The following SDCCAG8 variants were observed in gnomAD, a reference collection of about 807,000 sequenced individuals.
SDCCAG8 encodes the protein serologically defined colon cancer antigen 8.
SDCCAG8 carries 74 observed loss-of-function variants against 101.8 expected under a neutral mutation model. The observed-to-expected ratio is 0.73, with a 90% confidence interval of 0.60 to 0.88. The LOEUF is 0.88. Among genes scored for constraint, SDCCAG8 ranks in the 40% least tolerant of loss-of-function variants. The probability of loss-of-function intolerance (pLI) is 0.00; values close to 1 mark genes in which losing one functional copy is unlikely to be tolerated. For missense variants in SDCCAG8, 787 were observed against 822.6 expected (o/e 0.96, Z 0.53); for synonymous variants, 281 against 292.9 (o/e 0.96, Z 0.41).
chr1:243,330,558 C>A lies in SDCCAG8; in HGVS notation c.1087C>A (p.Gln363Lys). 4.3e-6 allele frequency: 7 copies of A among 1,613,890 alleles called. No homozygotes were observed. The highest frequency in any genetic ancestry group is 5.9e-6 in the Non-Finnish European group (7 of 1,179,982). The change falls in exon 10 of 18, where the codon CAG becomes AAG. Residue 363 changes from glutamine (Q) to lysine (K), a missense_variant. Coordinates refer to ENST00000366541, the MANE Select transcript of SDCCAG8 (RefSeq NM_006642.5). ...CTGGCAGGCTTTAATCCAGTGTGAC[C>A]AGTTGAGGAAGGAGCTGGAGAGGCA... ...EKTKALIQCD[Q>K]LRKELERQAE...
At chr1:243,337,796 A>G (rs1416686934) in intron 10 of SDCCAG8, among the ~76,000 whole-genome samples, 1 of 152,206 alleles carries the variant, frequency 6.6e-6, no homozygotes, top group East Asian at 1.9e-4. Flanking sequence ...AAAAGCAGAC[A>G]GACTTTTATA....
At chr1:243,353,067 T>A (rs1384480561) in intron 12 of SDCCAG8, among the ~76,000 whole-genome samples, 1 of 152,196 alleles carries the variant, frequency 6.6e-6, no homozygotes, top group Non-Finnish European at 1.5e-5. Flanking sequence ...AATCAATTTC[T>A]GTCAGAAAGG....
Position 243,403,367 on chromosome 1 carries a change from T to C in SDCCAG8, c.1617-12335T>C, listed in dbSNP as rs1057513910. On this transcript the variant is annotated intron_variant, in intron 13 of 17. Transcript: ENST00000366541. Reference sequence around the variant, plus strand: ...CAAGGCTGTCTTTGAGATAATTATATTGATTGTTTCAGTTTGAGTAGTCAT... The same window carrying C: ...CAAGGCTGTCTTTGAGATAATTATACTGATTGTTTCAGTTTGAGTAGTCAT... 8.5e-5 allele frequency among the ~76,000 whole-genome samples: 13 copies of C among 152,154 alleles called. 1 individual carries two copies. Among genetic ancestry groups the C allele is most frequent in the African/African-American group, 3.1e-4 (13 of 41,414 alleles).
intron 5 of SDCCAG8, among the ~76,000 whole-genome samples, chr1:243,287,091 C>T (rs916034022): frequency 6.6e-6 from 1 of 152,116 alleles, no homozygotes; most frequent in African/African-American, 2.4e-5. Flanking sequence ...GTTTGAAGAA[C>T]GTTGGGTCAG....
intron 8 of SDCCAG8, among the ~76,000 whole-genome samples, chr1:243,314,800 C>T (rs1251391154): frequency 6.6e-6 from 1 of 152,180 alleles, no homozygotes; most frequent in Admixed American, 6.5e-5. Flanking sequence ...ACTTCCACCT[C>T]CCAGGTTCAA....
chr1:243,271,836 G>A (rs1328612746), intron 3 of SDCCAG8, among the ~76,000 whole-genome samples: 6 of 152,016 alleles, frequency 3.9e-5, no homozygotes, highest in South Asian at 2.1e-4. Context: ...GAGCCACCGC[G>A]CCTGGCCTCA....
intron 11 of SDCCAG8, among the ~76,000 whole-genome samples, chr1:243,342,442 A>G (rs1400565736): frequency 6.6e-6 from 1 of 152,248 alleles, no homozygotes; most frequent in Non-Finnish European, 1.5e-5. Context: ...TAAACATAGC[A>G]AATGCTGAAC....
chr1:243,412,395 G>A (rs1422411110), intron 13 of SDCCAG8, among the ~76,000 whole-genome samples: 1 of 152,084 alleles, frequency 6.6e-6, no homozygotes, highest in East Asian at 1.9e-4. Context: ...AAACAAAAAG[G>A]CCCGTGCATA....
intron 12 of SDCCAG8, among the ~76,000 whole-genome samples, chr1:243,357,653 C>G (rs1181922968): frequency 6.6e-6 from 1 of 152,168 alleles, no homozygotes; most frequent in South Asian, 2.1e-4. Context: ...CAAACAAATA[C>G]GCACAGGGGT....
intron 15 of SDCCAG8, among the ~76,000 whole-genome samples, chr1:243,419,025 G>T (rs920631246): frequency 6.6e-6 from 1 of 152,054 alleles, no homozygotes; most frequent in Non-Finnish European, 1.5e-5. Flanking sequence ...GGATTTCTGG[G>T]AGTATCAGGG....
At position 243,370,990 on chromosome 1, in the gene SDCCAG8, A is replaced by C. The variant is rs533024561; in HGVS notation, c.1474-7731A>C. ...TCATCATGTTGTAAAAGGTGTAGACAGTGGGACTTGAGGCTAAGCAAATCC... is the reference window on the plus strand; with the variant it reads ...TCATCATGTTGTAAAAGGTGTAGACCGTGGGACTTGAGGCTAAGCAAATCC... On this transcript the variant is annotated intron_variant, in intron 12 of 17. Transcript: ENST00000366541. Among the ~76,000 whole-genome samples the C allele has an allele frequency of 2.0e-5, 3 of 152,216 alleles. No homozygotes were observed. The South Asian group carries it at 6.2e-4, about 32-fold the overall frequency.
At chr1:243,328,556 C>T (rs1165504335) in intron 9 of SDCCAG8, among the ~76,000 whole-genome samples, 3 of 152,186 alleles carry the variant, frequency 2.0e-5, no homozygotes, top group Admixed American at 6.5e-5. Context: ...GGATTACAGG[C>T]GTGAGCCACC....
intron 12 of SDCCAG8, among the ~76,000 whole-genome samples, chr1:243,367,336 C>T (rs2077044916): frequency 6.6e-6 from 1 of 152,058 alleles, no homozygotes; most frequent in South Asian, 2.1e-4. Flanking sequence ...TTGAAAGAAG[C>T]AACTCCAGGT....
rs774408101 is a variant in SDCCAG8 at position 243,256,278 on chromosome 1, G to A, written c.67+38G>A. 17 of 1,577,816 alleles carry A rather than the reference G, an allele frequency of 1.1e-5. No homozygotes were observed. The East Asian group carries it at 3.4e-4, about 31-fold the overall frequency. On this transcript the variant is annotated intron_variant, in intron 1 of 17. Transcript: ENST00000366541. Reference sequence around the variant, plus strand: ...AAACCTCTGTCCCTAGCCCCGAGGTGCCCAGGGCCTAGTGGGCGGGAGCAG... The same window carrying A: ...AAACCTCTGTCCCTAGCCCCGAGGTACCCAGGGCCTAGTGGGCGGGAGCAG...
At chr1:243,354,359 A>G (rs2076268844) in intron 12 of SDCCAG8, among the ~76,000 whole-genome samples, 1 of 152,220 alleles carries the variant, frequency 6.6e-6, no homozygotes, top group Non-Finnish European at 1.5e-5. Flanking sequence ...TGTTAAGATT[A>G]TAAAAATGAA....
At chr1:243,440,879 T>G (rs983380921) in intron 16 of SDCCAG8, among the ~76,000 whole-genome samples, 1 of 152,202 alleles carries the variant, frequency 6.6e-6, no homozygotes, top group Non-Finnish European at 1.5e-5. Flanking sequence ...CTGCTGGTGA[T>G]GGGAATTGAG....
chr1:243,340,961 CGCTAT>C, intron 10 of SDCCAG8, 73 bp from the exon 11 acceptor site: 1 of 1,421,212 alleles, frequency 7.0e-7, no homozygotes, highest in South Asian at 1.1e-5. Context: ...TATGCTGAGA[CGCTAT>C]TAATTCAAGA....
chr1:243,477,910 A>G (rs1662748027), intron 16 of SDCCAG8, among the ~76,000 whole-genome samples: 1 of 152,256 alleles, frequency 6.6e-6, no homozygotes, highest in African/African-American at 2.4e-5. Flanking sequence ...GTCTGGGATG[A>G]GGCAAGAACT....
At chr1:243,322,960 C>T (rs946339233) in intron 9 of SDCCAG8, among the ~76,000 whole-genome samples, 1 of 151,900 alleles carries the variant, frequency 6.6e-6, no homozygotes, top group Non-Finnish European at 1.5e-5. Context: ...TGTGGTGAGA[C>T]CCCGTCTCTA....
Sources: gnomAD v4.1 joint callset for allele counts (sites outside exome capture counted in the v4.1 genomes callset) on GRCh38, gnomAD v4.1.1 for gene constraint, MANE v1.5 for transcripts, NCBI Gene and HGNC (gene_info 2026-07-23, HGNC 2026-07-21) for gene names.